The following GPC5 variants were observed in gnomAD, a reference collection of about 807,000 sequenced individuals.
The protein encoded by GPC5 is glypican-5.
GPC5 carries 47 observed loss-of-function variants against 53.9 expected under a neutral mutation model. That is an observed-to-expected ratio of 0.87 (90% CI 0.69 to 1.11). The LOEUF (loss-of-function observed/expected upper bound fraction) is 1.11. Among genes scored for constraint, GPC5 ranks in the 50% most tolerant of loss-of-function variants. GPC5 has a pLI of 0.00. For synonymous variants in GPC5, 286 were observed against 263.3 expected (o/e 1.09, Z -0.84); for missense variants, 748 against 713.1 (o/e 1.05, Z -0.56).
At chr13:92,591,825 T>G (rs1883721745) in intron 7 of GPC5, among the ~76,000 whole-genome samples, 1 of 152,132 alleles carries the variant, frequency 6.6e-6, no homozygotes, top group African/African-American at 2.4e-5. Context: ...TCAGATTCTA[T>G]ATGAGTGAGA....
At chr13:92,106,341 G>A (rs989250361) in intron 6 of GPC5, among the ~76,000 whole-genome samples, 5 of 151,956 alleles carry the variant, frequency 3.3e-5, no homozygotes, top group African/African-American at 1.2e-4. Flanking sequence ...AAAAGATTGA[G>A]TTAAATTTTG....
chr13:92,731,321 T>C (rs972196755), intron 7 of GPC5, among the ~76,000 whole-genome samples: 7 of 151,576 alleles, frequency 4.6e-5, no homozygotes, highest in African/African-American at 1.4e-4. Flanking sequence ...ATTTCTAAAA[T>C]AGAGTTATTT....
At position 91,482,872 on chromosome 13, in the gene GPC5, T is replaced by A. The variant is rs184894893; in HGVS notation, c.325+33950T>A. On this transcript the variant is annotated intron_variant, in intron 2 of 7. Transcript: ENST00000377067. ...TGCATATGAGAATGCAGGTTTTTTT[T>A]TTTTTTGCCATATCCATTATTGGCA... Among the ~76,000 whole-genome samples the A allele has an allele frequency of 1.1e-3, 164 of 152,200 alleles. 3 individuals carry two copies. Among genetic ancestry groups the A allele is most frequent in the Non-Finnish European group, 8.8e-5 (6 of 68,008 alleles).
At chr13:91,906,504 G>A (rs976688050) in intron 5 of GPC5, among the ~76,000 whole-genome samples, 2 of 152,014 alleles carry the variant, frequency 1.3e-5, no homozygotes, top group South Asian at 2.1e-4. Context: ...GCAAATAAGA[G>A]TATTTATATT....
intron 7 of GPC5, among the ~76,000 whole-genome samples, chr13:92,680,883 C>G (rs1005521443): frequency 2.6e-5 from 4 of 152,128 alleles, no homozygotes; most frequent in African/African-American, 9.7e-5. Flanking sequence ...ACCTGTGTCA[C>G]CAGGAACCTT....
At chr13:91,500,371 G>A (rs1241471787) in intron 2 of GPC5, among the ~76,000 whole-genome samples, 1 of 152,184 alleles carries the variant, frequency 6.6e-6, no homozygotes, top group African/African-American at 2.4e-5. Context: ...AGCCAATGTG[G>A]CTGGCCATCT....
At chr13:91,827,713 G>C (rs775233072) in intron 5 of GPC5, among the ~76,000 whole-genome samples, 1 of 151,990 alleles carries the variant, frequency 6.6e-6, no homozygotes, top group Non-Finnish European at 1.5e-5. Context: ...TTCTTGCTGA[G>C]CGTATAGAAT....
At chr13:92,102,918 A>C (rs912501138) in intron 6 of GPC5, among the ~76,000 whole-genome samples, 1 of 152,184 alleles carries the variant, frequency 6.6e-6, no homozygotes, top group Non-Finnish European at 1.5e-5. Context: ...GCTGGAAAGC[A>C]GTGACACCAG....
chr13:92,740,202 C>G (rs553401834), intron 7 of GPC5, among the ~76,000 whole-genome samples: 2 of 152,010 alleles, frequency 1.3e-5, no homozygotes, highest in African/African-American at 2.4e-5. Context: ...GCCCACCCTC[C>G]CACTTTCTTT....
At chr13:91,912,869 A>G (rs1305071408) in intron 6 of GPC5, among the ~76,000 whole-genome samples, 2 of 152,122 alleles carry the variant, frequency 1.3e-5, no homozygotes, top group Admixed American at 6.5e-5. Flanking sequence ...ATTTTGATAC[A>G]TATTGCCACG....
intron 5 of GPC5, among the ~76,000 whole-genome samples, chr13:91,789,815 T>A (rs1048246168): frequency 4.6e-5 from 7 of 152,308 alleles, no homozygotes; most frequent in Admixed American, 4.6e-4. Context: ...CACTATAGGC[T>A]GGGAAGTTTA....
rs114906189 is a variant in GPC5, at chr13:92,225,074, T to C, written c.1561+80085T>C. ...TTGCTGACATGGTTTCCTAGCCCCA[T>C]ACCACCTGTTGCCCCATAGCCTATT... On this transcript the variant is annotated intron_variant, in intron 7 of 7. Transcript: ENST00000377067. Among the ~76,000 whole-genome samples the C allele has an allele frequency of 4.0e-3, 615 of 152,210 alleles. 8 individuals carry two copies. The highest frequency in any genetic ancestry group is 0.014 in the African/African-American group (596 of 41,506).
chr13:92,167,750 C>G (rs1362175161), intron 7 of GPC5, among the ~76,000 whole-genome samples: 1 of 151,964 alleles, frequency 6.6e-6, no homozygotes, highest in African/African-American at 2.4e-5. Context: ...TGGTCTGAAT[C>G]ATGTGGATTA....
At chr13:92,167,047 T>C (rs987433953) in intron 7 of GPC5, among the ~76,000 whole-genome samples, 3 of 151,220 alleles carry the variant, frequency 2.0e-5, no homozygotes, top group Non-Finnish European at 2.9e-5. Context: ...AAATGAGTAA[T>C]GGAATTCGTT....
In GPC5 at chr13:92,094,859, T is replaced by G. The variant is rs530616683; in HGVS notation, c.1402-49971T>G. Reference sequence around the variant, plus strand: ...TCATATTTTAAATATATTACTATATTGTATATAGTAATATTGTGTTTCCAT... The same window carrying G: ...TCATATTTTAAATATATTACTATATGGTATATAGTAATATTGTGTTTCCAT... On this transcript the variant is annotated intron_variant, in intron 6 of 7. Transcript: ENST00000377067. Among the ~76,000 whole-genome samples the G allele has an allele frequency of 7.2e-5, 11 of 152,224 alleles. No individual in the cohort carries two copies. The South Asian group carries it at 2.3e-3, about 32-fold the overall frequency.
intron 7 of GPC5, among the ~76,000 whole-genome samples, chr13:92,205,631 A>G (rs748291740): frequency 3.9e-5 from 6 of 152,224 alleles, no homozygotes; most frequent in Non-Finnish European, 8.8e-5. Context: ...TTACAGCAAA[A>G]CATCACATTT....
At chr13:91,426,370 T>C (rs2139004562) in intron 1 of GPC5, among the ~76,000 whole-genome samples, 1 of 152,222 alleles carries the variant, frequency 6.6e-6, no homozygotes, top group African/African-American at 2.4e-5. Flanking sequence ...GCTCCAGCCA[T>C]GGCATATTAG....
At chr13:92,426,939 T>C (rs1359002686) in intron 7 of GPC5, among the ~76,000 whole-genome samples, 1 of 151,922 alleles carries the variant, frequency 6.6e-6, no homozygotes, top group African/African-American at 2.4e-5. Context: ...ATTCAGGAAA[T>C]TGAGCCATCA....
intron 3 of GPC5, among the ~76,000 whole-genome samples, chr13:91,712,070 T>G (rs2036237598): frequency 6.6e-6 from 1 of 152,218 alleles, no homozygotes; most frequent in Non-Finnish European, 1.5e-5. Context: ...AAAATAGGAC[T>G]AAACATTATC....
Sources: gnomAD v4.1 joint callset for allele counts (sites outside exome capture counted in the v4.1 genomes callset) on GRCh38, gnomAD v4.1.1 for gene constraint, MANE v1.5 for transcripts, NCBI Gene and HGNC (gene_info 2026-07-23, HGNC 2026-07-21) for gene names.